The following THSD4 variants were observed in gnomAD, a reference collection of about 807,000 sequenced individuals.
THSD4 encodes the protein thrombospondin type 1 domain containing 4.
In THSD4, 69 loss-of-function variants were observed where a neutral mutation model predicts 119.0. The observed-to-expected ratio is 0.58, with a 90% CI of 0.48 to 0.71. THSD4 has a LOEUF of 0.71. THSD4 is among the 30% of genes least tolerant of loss of function. The pLI is 0.00. For missense variants in THSD4, 1,393 were observed against 1,391.1 expected (o/e 1.00, Z -0.02); for synonymous variants, 524 against 540.4 (o/e 0.97, Z 0.42).
intron 6 of THSD4, among the ~76,000 whole-genome samples, chr15:71,330,266 C>G (rs2045404514): frequency 3.3e-5 from 5 of 152,060 alleles, no homozygotes; most frequent in Admixed American, 2.6e-4. Flanking sequence ...GCTATAGGAC[C>G]TTTGTTAAAT....
At chr15:71,361,838 C>T (rs2045895420) in intron 6 of THSD4, among the ~76,000 whole-genome samples, 1 of 152,174 alleles carries the variant, frequency 6.6e-6, no homozygotes, top group African/African-American at 2.4e-5. Flanking sequence ...TGTGTATGTG[C>T]TGATCTGGAC....
rs1360310268 is a variant in THSD4, at chr15:71,377,877, C to CACACACACACACACACACAA, written c.1016-33791_1016-33790insAACACACACACACACACACA. Reference sequence around the variant, plus strand: ...CCCGGACATATCCACAACACACACACACACACACACACACACACACACACA... The same window carrying CACACACACACACACACACAA: ...CCCGGACATATCCACAACACACACACACACACACACACACACACAAACACACACACACACACACACACACA... On this transcript the variant is annotated intron_variant, in intron 6 of 17. Coordinates refer to ENST00000261862, the MANE Select transcript of THSD4 (RefSeq NM_024817.3). Among the ~76,000 whole-genome samples, 157 of 75,696 alleles carry CACACACACACACACACACAA rather than the reference C, an allele frequency of 2.1e-3. 2 individuals carry two copies. Among genetic ancestry groups the CACACACACACACACACACAA allele is most frequent in the Admixed American group, 9.4e-3 (69 of 7,350 alleles). The allele number at this position is 75,696 out of a possible 152,430, so 49.7% of individuals were successfully genotyped here. A position where few individuals can be genotyped will look rare whatever the true frequency, so the allele number is the denominator to read the frequency against.
chr15:71,266,111 A>G lies in THSD4; in HGVS notation c.1015+9396A>G, dbSNP rs111662884. 7.2e-3 allele frequency among the ~76,000 whole-genome samples: 1,101 copies of G among 152,344 alleles called. 16 individuals carry two copies. The highest frequency in any genetic ancestry group is 0.025 in the African/African-American group (1,052 of 41,592). On this transcript the variant is annotated intron_variant, in intron 6 of 17. Transcript: ENST00000261862. ...CCATCACAGCGCTCAAGCTCTGGTA[A>G]GGGACAGACTGCCTCCTCAAGTGGG...
Position 71,215,069 on chromosome 15 carries a change from AGGACGACGGCGGCGGCGGCGCCCCG to A in THSD4, c.138_162del (p.Asp46GlufsTer20). 7.7e-7 allele frequency: 1 copy of A among 1,299,196 alleles called. No individual in the cohort carries two copies. Among genetic ancestry groups the A allele is most frequent in the Non-Finnish European group, 9.8e-7 (1 of 1,021,344 alleles). 80.5% of individuals were successfully genotyped at this position (1,299,196 alleles called of 1,614,324 possible). ...CGGATGGCGGCGGAGGGCGCCCCCG[AGGACGACGGCGGCGGCGGCGCCCCG>A]GGAGTGTGGGGCGCCTGGGGCCCCT... is the stretch of plus-strand genomic sequence containing the variant. On this transcript the variant is annotated frameshift_variant, in exon 4 of 18. Coordinates refer to ENST00000261862, the MANE Select transcript of THSD4 (RefSeq NM_024817.3). LOFTEE classifies it high-confidence loss of function.
intron 3 of THSD4, among the ~76,000 whole-genome samples, chr15:71,180,646 A>T (rs1404966907): frequency 6.6e-6 from 1 of 152,216 alleles, no homozygotes; most frequent in African/African-American, 2.4e-5. Context: ...GAGCCATTAT[A>T]TTGACAATAA....
intron 3 of THSD4, among the ~76,000 whole-genome samples, chr15:71,193,611 G>A (rs1411066839): frequency 6.6e-6 from 1 of 152,196 alleles, no homozygotes; most frequent in East Asian, 1.9e-4. Context: ...ATTCCCACGT[G>A]CTGTGGGAGG....
At chr15:71,536,746 TATTA>T (rs1567025591) in intron 7 of THSD4, among the ~76,000 whole-genome samples, 2 of 152,150 alleles carry the variant, frequency 1.3e-5, no homozygotes, top group African/African-American at 4.8e-5. Context: ...AATATATTAT[TATTA>T]ATTATAGTGA....
At chr15:71,522,707 T>C (rs992381329) in intron 7 of THSD4, among the ~76,000 whole-genome samples, 1 of 152,224 alleles carries the variant, frequency 6.6e-6, no homozygotes, top group Non-Finnish European at 1.5e-5. Flanking sequence ...GAATCTTCCT[T>C]GACTTTCTGT....
intron 1 of THSD4, among the ~76,000 whole-genome samples, chr15:71,138,711 C>T (rs77313455): frequency 3.9e-5 from 6 of 152,274 alleles, no homozygotes; most frequent in African/African-American, 7.2e-5. Context: ...AGGCCACTGC[C>T]TCAGAGGGAT....
intron 7 of THSD4, among the ~76,000 whole-genome samples, chr15:71,569,219 T>C (rs2049301634): frequency 6.6e-6 from 1 of 152,192 alleles, no homozygotes; most frequent in Admixed American, 6.5e-5. Context: ...ATGTGAGTGC[T>C]GACCCACACG....
At chr15:71,455,163 G>T (rs995804185) in intron 7 of THSD4, among the ~76,000 whole-genome samples, 1 of 152,228 alleles carries the variant, frequency 6.6e-6, no homozygotes, top group Non-Finnish European at 1.5e-5. Flanking sequence ...CAGAGCAGGA[G>T]AAATGAGGGC....
chr15:71,603,587 A>C (rs755676016), intron 7 of THSD4, among the ~76,000 whole-genome samples: 3 of 152,234 alleles, frequency 2.0e-5, no homozygotes, highest in Admixed American at 6.5e-5. Flanking sequence ...CGCCATGGTC[A>C]GGAGGGGAAT....
At chr15:71,247,104 G>A (rs990126905) in intron 5 of THSD4, among the ~76,000 whole-genome samples, 1 of 151,996 alleles carries the variant, frequency 6.6e-6, no homozygotes, top group Admixed American at 6.6e-5. Context: ...TACCATGTTG[G>A]CCAAGCTGGT....
At chr15:71,192,341 G>A (rs1021715129) in intron 3 of THSD4, among the ~76,000 whole-genome samples, 1 of 152,038 alleles carries the variant, frequency 6.6e-6, no homozygotes, top group African/African-American at 2.4e-5. Context: ...GGTGTGCAGT[G>A]GAGCCATCTC....
chr15:71,137,263 C>T (rs2040560066), intron 1 of THSD4, among the ~76,000 whole-genome samples: 1 of 152,150 alleles, frequency 6.6e-6, no homozygotes, highest in Non-Finnish European at 1.5e-5. Flanking sequence ...ATTTGGGAAC[C>T]CTCACTCTTT....
intron 8 of THSD4, among the ~76,000 whole-genome samples, chr15:71,670,475 G>T (rs553039441): frequency 1.6e-3 from 232 of 145,268 alleles, no homozygotes; most frequent in African/African-American, 4.7e-3. Context: ...TTTTTTGTTT[G>T]TTTTTTTTTA....
intron 7 of THSD4, among the ~76,000 whole-genome samples, chr15:71,659,582 T>A (rs970425141): frequency 6.6e-5 from 10 of 152,076 alleles, no homozygotes; most frequent in Non-Finnish European, 5.9e-5. Flanking sequence ...CTGGTTAATT[T>A]TTTACTTTTT....
chr15:71,474,275 A>G (rs2047626917), intron 7 of THSD4, among the ~76,000 whole-genome samples: 1 of 151,954 alleles, frequency 6.6e-6, no homozygotes, highest in South Asian at 2.1e-4. Flanking sequence ...GCTGAAGTGC[A>G]GTGGCGTGAT....
chr15:71,351,102 G>A (rs2045738408), intron 6 of THSD4, among the ~76,000 whole-genome samples: 1 of 152,146 alleles, frequency 6.6e-6, no homozygotes, highest in Non-Finnish European at 1.5e-5. Context: ...AATGGCTGGG[G>A]AACTGCCCTG....
Sources: allele counts gnomAD v4.1 joint callset (sites outside exome capture counted in the v4.1 genomes callset), GRCh38; gene constraint gnomAD v4.1.1; transcripts MANE v1.5; gene names NCBI Gene and HGNC (gene_info 2026-07-23, HGNC 2026-07-21).